Variants in KCNH7 observed in about 807,000 individuals in gnomAD.
KCNH7 encodes the protein voltage-gated inwardly rectifying potassium channel KCNH7.
In KCNH7, 49 loss-of-function variants were observed where a neutral mutation model predicts 120.8. The ratio of observed to expected loss-of-function variants is 0.41; its 90% CI spans 0.32 to 0.51. The LOEUF is 0.51. Among genes scored for constraint, KCNH7 ranks in the 20% least tolerant of loss-of-function variants. The pLI is 0.38. For missense variants in KCNH7, 1,097 were observed against 1,446.6 expected (o/e 0.76, Z 3.92); for synonymous variants, 547 against 516.1 (o/e 1.06, Z -0.81).
chr2:162,423,425 A>T lies in KCNH7; in HGVS notation c.2065T>A (p.Phe689Ile). 1 of 1,614,142 alleles carries T rather than the reference A, an allele frequency of 6.2e-7. No individual in the cohort carries two copies. Among genetic ancestry groups the T allele is most frequent in the Non-Finnish European group, 8.5e-7 (1 of 1,179,974 alleles). ...CTCAGAGGGTTGGGGATTTGGTGAA[A>T]GCGAATGAACTCTTTTACTCGCAGC... ...QMLRVKEFIR[F>I]HQIPNPLRQR... Residue 689 changes from phenylalanine (F) to isoleucine (I), a missense_variant, in exon 9 of 16, where the codon TTT (phenylalanine) becomes ATT (isoleucine). By Grantham distance (21) the Phe-to-Ile change is conservative (BLOSUM62 0). Transcript: ENST00000332142.
intron 2 of KCNH7, among the ~76,000 whole-genome samples, chr2:162,689,143 C>CTAT (rs148007770): frequency 0.055 from 8,165 of 149,718 alleles, 260 homozygotes; most frequent in East Asian, 0.14. Flanking sequence ...CATTTAGTTA[C>CTAT]TATTATTATT....
intron 2 of KCNH7, among the ~76,000 whole-genome samples, chr2:162,543,809 T>C (rs1430915084): frequency 6.6e-6 from 1 of 152,068 alleles, no homozygotes; most frequent in Non-Finnish European, 1.5e-5. Flanking sequence ...GAAGGTCAAA[T>C]CAGATAATAC....
chr2:162,537,352 C>A (rs1264485838), intron 2 of KCNH7, among the ~76,000 whole-genome samples: 1 of 151,886 alleles, frequency 6.6e-6, no homozygotes, highest in Non-Finnish European at 1.5e-5. Flanking sequence ...CACACCCATC[C>A]CTATAATAGT....
At position 162,373,568 on chromosome 2, in the gene KCNH7, C is replaced by T. The variant is rs751644526; in HGVS notation, c.3226G>A (p.Ala1076Thr). ...ATGGGTCTCTGATATTCTGATCCTG[C>T]TGTTACCATACTGTAGGCTGGGGGG... ...VVPPAYSMVT[A>T]GSEYQRPIIQ... The change falls in exon 15 of 16, where the codon GCA (alanine) becomes ACA (threonine). Residue 1076 changes from alanine (A) to threonine (T), a missense_variant. Ala to Thr is a moderately conservative substitution (Grantham distance 58, BLOSUM62 0). Around this residue, in one of 8 missense-constraint regions of KCNH7, gnomAD observed 406 missense variants for 410.5 expected, o/e 0.99. Coordinates refer to ENST00000332142, the MANE Select transcript of KCNH7 (RefSeq NM_033272.4). The T allele has an allele frequency of 1.3e-6, 2 of 1,595,448 alleles. No homozygotes were observed. The highest frequency in any genetic ancestry group is 2.3e-5 in the South Asian group (2 of 88,182).
chr2:162,643,804 C>CAAAAAAAAA (rs781089376), intron 2 of KCNH7, among the ~76,000 whole-genome samples: 12 of 90,384 alleles, frequency 1.3e-4, no homozygotes, highest in East Asian at 3.8e-4. Flanking sequence ...GACTCTATCT[C>CAAAAAAAAA]AAAAAAAAAA....
chr2:162,486,602 C>T (rs73020650), intron 6 of KCNH7, among the ~76,000 whole-genome samples: 15,457 of 152,106 alleles, frequency 0.1, 1,197 homozygotes, highest in African/African-American at 0.22. Flanking sequence ...ATTCCTATTA[C>T]GCACTTATTC....
At chr2:162,649,953 G>C (rs766075647) in intron 2 of KCNH7, among the ~76,000 whole-genome samples, 2 of 152,018 alleles carry the variant, frequency 1.3e-5, no homozygotes, top group Non-Finnish European at 2.9e-5. Flanking sequence ...TGGGCCATTA[G>C]GTAAAGCAAA....
intron 6 of KCNH7, among the ~76,000 whole-genome samples, chr2:162,487,098 G>C (rs960204705): frequency 6.6e-6 from 1 of 152,056 alleles, no homozygotes; most frequent in Non-Finnish European, 1.5e-5. Flanking sequence ...CTGCCCTCTG[G>C]TCTCAGTAGC....
intron 6 of KCNH7, among the ~76,000 whole-genome samples, chr2:162,458,937 G>A (rs1205738753): frequency 1.3e-5 from 2 of 151,610 alleles, no homozygotes; most frequent in African/African-American, 4.8e-5. Flanking sequence ...GCCCAAGGAG[G>A]TTGAGGCTGC....
chr2:162,459,787 G>T (rs1413418335), intron 6 of KCNH7, among the ~76,000 whole-genome samples: 1 of 152,076 alleles, frequency 6.6e-6, no homozygotes, highest in African/African-American at 2.4e-5. Context: ...GAAGGGTGGG[G>T]TGAATAGCGG....
intron 2 of KCNH7, among the ~76,000 whole-genome samples, chr2:162,789,558 T>C (rs1247625860): frequency 2.0e-5 from 3 of 152,006 alleles, no homozygotes; most frequent in Non-Finnish European, 2.9e-5. Context: ...GCGGAATACA[T>C]GTTCTTCTCT....
intron 2 of KCNH7, among the ~76,000 whole-genome samples, chr2:162,683,219 C>A (rs1182474021): frequency 6.6e-6 from 1 of 151,668 alleles, no homozygotes; most frequent in Non-Finnish European, 1.5e-5. Context: ...GATTTATATC[C>A]CTCTTTGTGT....
At chr2:162,423,176 T>C in intron 9 of KCNH7, 160 bp downstream of exon 9, 1 of 1,462,034 alleles carries the variant, frequency 6.8e-7, no homozygotes, top group South Asian at 1.3e-5. Flanking sequence ...TGCAATGCCA[T>C]GAATTGAGAA....
chr2:162,495,968 G>C (rs1284462150), intron 6 of KCNH7, among the ~76,000 whole-genome samples: 1 of 152,104 alleles, frequency 6.6e-6, no homozygotes, highest in Non-Finnish European at 1.5e-5. Flanking sequence ...TGGGATTGTG[G>C]AGCTGTCCTT....
chr2:162,526,196 G>A (rs1180098918), intron 3 of KCNH7, among the ~76,000 whole-genome samples: 2 of 151,902 alleles, frequency 1.3e-5, no homozygotes, highest in Non-Finnish European at 2.9e-5. Context: ...TACGAATAGG[G>A]TGTGGGTCAC....
intron 2 of KCNH7, among the ~76,000 whole-genome samples, chr2:162,648,704 G>A (rs887666866): frequency 2.0e-5 from 3 of 152,050 alleles, no homozygotes; most frequent in Non-Finnish European, 2.9e-5. Flanking sequence ...GTTTCCACCT[G>A]TTTTTTTATG....
intron 2 of KCNH7, among the ~76,000 whole-genome samples, chr2:162,686,537 G>T (rs1447688788): frequency 6.6e-6 from 1 of 151,314 alleles, no homozygotes; most frequent in Non-Finnish European, 1.5e-5. Flanking sequence ...AGACAATGTG[G>T]ATCATGTTTT....
At chr2:162,742,893 T>TAAA (rs1481097418) in intron 2 of KCNH7, among the ~76,000 whole-genome samples, 1 of 152,180 alleles carries the variant, frequency 6.6e-6, no homozygotes, top group Non-Finnish European at 1.5e-5. Flanking sequence ...TAAATCAAGA[T>TAAA]AAAAAGTACA....
At chr2:162,531,402 GACA>G (rs1378817147) in intron 3 of KCNH7, among the ~76,000 whole-genome samples, 1 of 151,902 alleles carries the variant, frequency 6.6e-6, no homozygotes, top group East Asian at 1.9e-4. Flanking sequence ...GACCATGAAA[GACA>G]ACTATTCCGT....
Sources: gnomAD v4.1 joint callset for allele counts (sites outside exome capture counted in the v4.1 genomes callset) on GRCh38, gnomAD v4.1.1 for gene constraint, gnomAD v4.1.1 regional missense constraint, MANE v1.5 for transcripts, NCBI Gene and HGNC (gene_info 2026-07-23, HGNC 2026-07-21) for gene names.